The following WDFY3 variants were observed in gnomAD, a reference collection of about 807,000 sequenced individuals.
The protein encoded by WDFY3 is WD repeat and FYVE domain-containing protein 3.
Under a neutral mutation model 409.6 loss-of-function variants are expected in WDFY3, and 66 were observed. The ratio of observed to expected loss-of-function variants is 0.16; its 90% CI spans 0.13 to 0.20. The LOEUF (loss-of-function observed/expected upper bound fraction) is 0.20, where lower values mean the gene tolerates loss of function less well. WDFY3 is among the 10% of genes least tolerant of loss of function. The pLI is 1.00. For missense variants in WDFY3, 3,031 were observed against 4,298.1 expected, an observed-to-expected ratio of 0.71 and a Z score of 8.24; for synonymous variants, 1,521 against 1,537.1, an observed-to-expected ratio of 0.99 and a Z score of 0.25.
Position 84,810,353 on chromosome 4 carries a change from G to A in WDFY3, c.1888-9C>T, listed in dbSNP as rs1319904595. On this transcript the variant is annotated splice_polypyrimidine_tract_variant and intron_variant, in intron 13 of 67. Transcript: ENST00000295888. ...AGGACCGACAGGAGGGCCTACAGGAGACAAAAGAAAAAACAAATGAAAATA... is the reference window on the plus strand; with the variant it reads ...AGGACCGACAGGAGGGCCTACAGGAAACAAAAGAAAAAACAAATGAAAATA... 8.7e-4 allele frequency: 1,119 copies of A among 1,280,714 alleles called. No individual in the cohort carries two copies. The highest frequency in any genetic ancestry group is 4.4e-3 in the South Asian group (214 of 49,086). 79.3% of individuals were successfully genotyped at this position (1,280,714 alleles called of 1,614,324 possible). A position where few individuals can be genotyped will look rare whatever the true frequency, so the allele number is the denominator to read the frequency against.
intron 58 of WDFY3, 109 bp downstream of exon 58, chr4:84,695,861 C>G: frequency 9.7e-7 from 1 of 1,036,138 alleles, no homozygotes; most frequent in Non-Finnish European, 1.4e-6. Context: ...ATATTTATGG[C>G]TCTTTATTAA....
chr4:84,813,189 C>CAATTCTGAATGAAGTAAAAAATG (rs1334905260), intron 13 of WDFY3, among the ~76,000 whole-genome samples: 5 of 152,064 alleles, frequency 3.3e-5, no homozygotes, highest in African/African-American at 9.7e-5. Context: ...CACTAAGAAG[C>CAATTCTGAATGAAGTAAAAAATG]AATTCTGAAT....
intron 17 of WDFY3, among the ~76,000 whole-genome samples, chr4:84,798,519 AT>A (rs1337951454): frequency 6.6e-6 from 1 of 152,170 alleles, no homozygotes; most frequent in Non-Finnish European, 1.5e-5. Flanking sequence ...AGTTAATAAT[AT>A]TTAAGAAGAA....
chr4:84,849,432 TGAGGAAAGA>T (rs1758566151), intron 5 of WDFY3, among the ~76,000 whole-genome samples: 1 of 152,134 alleles, frequency 6.6e-6, no homozygotes, highest in Admixed American at 6.5e-5. Context: ...CATATTGAAA[TGAGGAAAGA>T]TTCTCCTTCC....
chr4:84,855,119 C>T (rs1043505794), intron 4 of WDFY3, among the ~76,000 whole-genome samples: 3 of 152,146 alleles, frequency 2.0e-5, no homozygotes, highest in Admixed American at 6.6e-5. Context: ...TTAAAATCTG[C>T]GTAGCACTAT....
chr4:84,780,387 C>T (rs1412796164), intron 25 of WDFY3, 89 bp from the exon 26 acceptor site: 3 of 1,256,946 alleles, frequency 2.4e-6, no homozygotes, highest in Non-Finnish European at 3.2e-6. Context: ...TTTTAATTAG[C>T]AGTGTTTTAT....
At chr4:84,693,926 T>C (rs1209382470) in intron 58 of WDFY3, among the ~76,000 whole-genome samples, 3 of 151,114 alleles carry the variant, frequency 2.0e-5, no homozygotes, top group Admixed American at 6.6e-5. Context: ...ACATTTAAGA[T>C]TACTATTTTT....
chr4:84,920,380 T>C (rs535938423), intron 2 of WDFY3, among the ~76,000 whole-genome samples: 68 of 152,178 alleles, frequency 4.5e-4, no homozygotes, highest in Non-Finnish European at 8.1e-4. Context: ...ACAAAAACAT[T>C]TAGGACTAAA....
intron 5 of WDFY3, among the ~76,000 whole-genome samples, chr4:84,843,824 A>G (rs1757712439): frequency 1.3e-5 from 2 of 152,286 alleles, no homozygotes; most frequent in Admixed American, 6.5e-5. Flanking sequence ...CATAAATCAA[A>G]TGGTTTCTTA....
chr4:84,715,063 G>C (rs1370292000), intron 50 of WDFY3, among the ~76,000 whole-genome samples: 1 of 152,082 alleles, frequency 6.6e-6, no homozygotes, highest in African/African-American at 2.4e-5. Context: ...AGTAGTTTTT[G>C]ATGATCTCTA....
intron 1 of WDFY3, among the ~76,000 whole-genome samples, chr4:84,955,297 T>C (rs1408820967): frequency 6.6e-6 from 1 of 152,014 alleles, no homozygotes; most frequent in Non-Finnish European, 1.5e-5. Flanking sequence ...TTAAGAAGAA[T>C]GCCATGTAAT....
chr4:84,755,314 T>C lies in WDFY3; in HGVS notation c.5511A>G (p.Thr1837=). The stretch of plus-strand genomic sequence containing the variant: ...TTCCCAATAATAAAAAAACAGCTTC[T>C]GTGCATACGTTATGGATAGAAGAGA... ...TVVSSIHNVC[T]EAVFLLLGML... is the part of the protein sequence containing the mutation. Residue 1837 remains threonine, a synonymous_variant, in exon 34 of 68, where the codon ACA becomes ACG. Transcript: ENST00000295888. 1 of 1,612,964 alleles carries C rather than the reference T, an allele frequency of 6.2e-7. No homozygotes were observed. Among genetic ancestry groups the C allele is most frequent in the South Asian group, 1.1e-5 (1 of 90,798 alleles).
chr4:84,960,436 A>G lies in WDFY3; in HGVS notation c.-226+5773T>C, dbSNP rs551008902. Reference sequence around the variant, plus strand: ...CTTCCACTCAACTGTAAGCTCTATCATGATAAGGACCTTGAATACTACATG... The same window carrying G: ...CTTCCACTCAACTGTAAGCTCTATCGTGATAAGGACCTTGAATACTACATG... On this transcript the variant is annotated intron_variant, in intron 1 of 67. Transcript: ENST00000295888. Among the ~76,000 whole-genome samples the G allele has an allele frequency of 2.0e-5, 3 of 152,294 alleles. No homozygotes were observed. In the South Asian group the frequency reaches 6.2e-4, roughly 32 times the overall value.
intron 3 of WDFY3, among the ~76,000 whole-genome samples, chr4:84,889,900 G>C (rs1047944542): frequency 2.0e-5 from 3 of 152,154 alleles, no homozygotes; most frequent in African/African-American, 7.2e-5. Context: ...AATAAAAAAA[G>C]AGTATGTTCC....
At chr4:84,869,420 CCCAG>C (rs1761876160) in intron 3 of WDFY3, among the ~76,000 whole-genome samples, 2 of 152,154 alleles carry the variant, frequency 1.3e-5, no homozygotes, top group Admixed American at 6.5e-5. Context: ...CCTCCAAGAA[CCCAG>C]CCACATCATT....
chr4:84,751,031 G>A (rs1005827432), intron 36 of WDFY3, among the ~76,000 whole-genome samples: 7 of 152,256 alleles, frequency 4.6e-5, no homozygotes, highest in Non-Finnish European at 1.0e-4. Context: ...TAATGTCCAG[G>A]GAAGGGGTTG....
intron 62 of WDFY3, among the ~76,000 whole-genome samples, chr4:84,687,438 C>T (rs747974873): frequency 3.5e-4 from 54 of 152,120 alleles, no homozygotes; most frequent in Non-Finnish European, 6.8e-4. Flanking sequence ...CCACCATGCC[C>T]GGCCAATTTC....
chr4:84,957,902 G>GA (rs1579291290), intron 1 of WDFY3, among the ~76,000 whole-genome samples: 1 of 152,060 alleles, frequency 6.6e-6, no homozygotes, highest in Non-Finnish European at 1.5e-5. Flanking sequence ...AAATTAACCT[G>GA]AAAAAATTCC....
In WDFY3 at chr4:84,803,479, GAA is replaced by G; in HGVS notation, c.2430-14_2430-13del. 1.9e-6 allele frequency: 3 copies of G among 1,595,380 alleles called. No homozygotes were observed. The highest frequency in any genetic ancestry group is 2.6e-6 in the Non-Finnish European group (3 of 1,172,324). ...AATGATATGCATGCCTATAAAAAAAGAAAGAGTAAATTTGGTATTGAATTCCA... is the reference window on the plus strand; with the variant it reads ...AATGATATGCATGCCTATAAAAAAAGAGAGTAAATTTGGTATTGAATTCCA... On this transcript the variant is annotated splice_polypyrimidine_tract_variant and intron_variant, in intron 15 of 67. Transcript: ENST00000295888.
Sources: allele counts gnomAD v4.1 joint callset (sites outside exome capture counted in the v4.1 genomes callset), GRCh38; gene constraint gnomAD v4.1.1; transcripts MANE v1.5; gene names NCBI Gene and HGNC (gene_info 2026-07-23, HGNC 2026-07-21).